Variants in RASGRP3 observed in about 807,000 individuals in gnomAD.
The protein encoded by RASGRP3 is ras guanyl-releasing protein 3.
A neutral mutation model predicts 82.7 loss-of-function variants in RASGRP3; 54 were observed. The ratio of observed to expected loss-of-function variants is 0.65; its 90% CI spans 0.52 to 0.82. RASGRP3 has a LOEUF of 0.82. RASGRP3 is among the 40% of genes least tolerant of loss of function. The pLI is 0.00. For synonymous variants in RASGRP3, 309 were observed against 300.5 expected, an observed-to-expected ratio of 1.03 and a Z score of -0.29; for missense variants, 861 against 828.9, an observed-to-expected ratio of 1.04 and a Z score of -0.48.
chr2:33,517,510 T>C (rs562184532), intron 4 of RASGRP3, among the ~76,000 whole-genome samples: 15 of 152,182 alleles, frequency 9.9e-5, no homozygotes, highest in African/African-American at 3.1e-4. Flanking sequence ...TGCCAAGGCT[T>C]CTGGAGCCAG....
intron 3 of RASGRP3, among the ~76,000 whole-genome samples, chr2:33,516,201 A>C (rs779605397): frequency 1.3e-5 from 2 of 152,100 alleles, no homozygotes; most frequent in African/African-American, 2.4e-5. Context: ...TGAGGTCAGG[A>C]GTTCAAGACC....
In RASGRP3 at chr2:33,522,074, T is replaced by G; in HGVS notation, c.488T>G (p.Leu163Arg). The G allele has an allele frequency of 3.1e-6, 5 of 1,611,890 alleles. No individual in the cohort carries two copies. Among genetic ancestry groups the G allele is most frequent in the Non-Finnish European group, 4.2e-6 (5 of 1,179,424 alleles). The change falls in exon 7 of 18, where the codon CTG becomes CGG. Residue 163 changes from leucine (L) to arginine (R), a missense_variant. Coordinates refer to ENST00000403687, the MANE Select transcript of RASGRP3 (RefSeq NM_001139488.2). ...PIELAEHLTF[L>R]EHKSFRRISF... is the part of the protein sequence containing the mutation. ...GAATTGGCTGAGCACCTCACTTTTC[T>G]GGAGCATAAATCTTTTAGAAGGATC...
rs767124838 is a variant in RASGRP3 at position 33,547,053 on chromosome 2, G to GAAAAA, written c.1395-2534_1395-2530dup. ...AACAAGAGCGAATCTCTGTCTCAGG[G>GAAAAA]AAAAAAAAAAAAAAAAAAAAAGAGA... On this transcript the variant is annotated intron_variant, in intron 13 of 17. Transcript: ENST00000403687. 3.2e-5 allele frequency among the ~76,000 whole-genome samples: 4 copies of GAAAAA among 123,916 alleles called. No individual in the cohort carries two copies. The South Asian group carries it at 1.1e-3, about 34-fold the overall frequency. The allele number at this position is 123,916 out of a possible 152,430, so 81.3% of individuals were successfully genotyped here. A position where few individuals can be genotyped will look rare whatever the true frequency, so the allele number is the denominator to read the frequency against.
intron 1 of RASGRP3, among the ~76,000 whole-genome samples, chr2:33,447,566 C>T (rs958854235): frequency 1.3e-5 from 2 of 151,810 alleles, no homozygotes; most frequent in African/African-American, 4.8e-5. Flanking sequence ...CTCCTGAGTA[C>T]CTGTGATTAC....
intron 12 of RASGRP3, 113 bp downstream of exon 12, chr2:33,539,323 G>A: frequency 1.2e-6 from 1 of 844,096 alleles, no homozygotes; most frequent in Non-Finnish European, 1.9e-6. Context: ...CCCTCTGGCA[G>A]GTAGGAACAA....
At chr2:33,454,966 G>A (rs1018367101) in intron 2 of RASGRP3, among the ~76,000 whole-genome samples, 1 of 152,180 alleles carries the variant, frequency 6.6e-6, no homozygotes, top group Admixed American at 6.5e-5. Context: ...CAAAAAAAGA[G>A]AGGGATCATG....
intron 1 of RASGRP3, among the ~76,000 whole-genome samples, chr2:33,487,583 G>C (rs1668504067): frequency 6.6e-6 from 1 of 152,138 alleles, no homozygotes; most frequent in Non-Finnish European, 1.5e-5. Flanking sequence ...GCATTATACA[G>C]AGACTACAGG....
At chr2:33,478,154 G>A (rs1667548584) in intron 1 of RASGRP3, among the ~76,000 whole-genome samples, 1 of 152,168 alleles carries the variant, frequency 6.6e-6, no homozygotes, top group African/African-American at 2.4e-5. Context: ...ACCAACCAAT[G>A]TTCTCTGATG....
intron 13 of RASGRP3, among the ~76,000 whole-genome samples, chr2:33,544,972 T>G (rs1295944844): frequency 6.6e-6 from 1 of 152,210 alleles, no homozygotes; most frequent in Non-Finnish European, 1.5e-5. Context: ...TAAAATAAAT[T>G]TAATTAGAAA....
intron 10 of RASGRP3, chr2:33,532,442 C>T (rs906054531): frequency 3.3e-5 from 5 of 152,126 alleles, no homozygotes; most frequent in African/African-American, 1.2e-4. Context: ...GGGGAAAGAT[C>T]CCTAAATAAA....
At chr2:33,458,089 T>G (rs75966397) in intron 2 of RASGRP3, 19 of 151,886 alleles carry the variant, frequency 1.3e-4, no homozygotes, top group Non-Finnish European at 1.9e-4. Flanking sequence ...GCTTGCCCAC[T>G]TTTTTTTGTT....
chr2:33,476,758 C>CGTGTGTGAGTGTGTGT (rs1667411012), intron 1 of RASGRP3, 51 bp downstream of exon 1: 1 of 140,258 alleles, frequency 7.1e-6, no homozygotes, highest in African/African-American at 2.8e-5. Context: ...ATTCCCTCTC[C>CGTGTGTGAGTGTGTGT]GTGTGTGTGT....
At chr2:33,445,872 G>C (rs1665471190) in intron 1 of RASGRP3, among the ~76,000 whole-genome samples, 1 of 152,060 alleles carries the variant, frequency 6.6e-6, no homozygotes, top group Non-Finnish European at 1.5e-5. Flanking sequence ...CTAGAGTCAG[G>C]GACAAGCGTA....
intron 1 of RASGRP3, among the ~76,000 whole-genome samples, chr2:33,494,032 A>G (rs987840157): frequency 2.0e-5 from 3 of 152,202 alleles, no homozygotes; most frequent in Non-Finnish European, 4.4e-5. Flanking sequence ...TCTGGATTCT[A>G]TAGAAGCTCA....
intron 1 of RASGRP3, among the ~76,000 whole-genome samples, chr2:33,493,593 T>A (rs1267330510): frequency 8.2e-6 from 1 of 122,200 alleles, no homozygotes; most frequent in Non-Finnish European, 1.7e-5. Context: ...CAAGACCCAT[T>A]TAGAGTTCCC....
intron 10 of RASGRP3, among the ~76,000 whole-genome samples, chr2:33,531,432 A>T (rs1455074439): frequency 6.6e-6 from 1 of 152,236 alleles, no homozygotes; most frequent in Non-Finnish European, 1.5e-5. Context: ...TGACTGGGAA[A>T]GAAGAGATGC....
intron 12 of RASGRP3, among the ~76,000 whole-genome samples, chr2:33,540,966 A>T (rs1366002798): frequency 6.8e-6 from 1 of 146,628 alleles, no homozygotes; most frequent in Non-Finnish European, 1.5e-5. Flanking sequence ...TCATTCATTT[A>T]TACCTTACCT....
intron 1 of RASGRP3, among the ~76,000 whole-genome samples, chr2:33,500,174 A>G (rs948515358): frequency 6.6e-6 from 1 of 152,144 alleles, no homozygotes; most frequent in Non-Finnish European, 1.5e-5. Context: ...GCAGTATCAC[A>G]TGTGCTGGAG....
chr2:33,488,763 T>C (rs527634965), intron 1 of RASGRP3, among the ~76,000 whole-genome samples: 2 of 152,348 alleles, frequency 1.3e-5, no homozygotes, highest in African/African-American at 4.8e-5. Context: ...ATGTTAAATC[T>C]TGCTGATTGG....
Sources: allele counts gnomAD v4.1 joint callset (sites outside exome capture counted in the v4.1 genomes callset), GRCh38; gene constraint gnomAD v4.1.1; transcripts MANE v1.5; gene names NCBI Gene and HGNC (gene_info 2026-07-23, HGNC 2026-07-21).